TBC1D31: variants seen among roughly 807,000 people sequenced by gnomAD.
The protein encoded by TBC1D31 is WD repeat domain 67.
A neutral mutation model predicts 132.9 loss-of-function variants in TBC1D31; 99 were observed. The ratio of observed to expected loss-of-function variants is 0.74; its 90% confidence interval spans 0.63 to 0.88. TBC1D31 has a LOEUF of 0.88. TBC1D31 is among the 40% of genes least tolerant of loss of function. The pLI, the probability that TBC1D31 is intolerant of heterozygous loss-of-function variation, is 0.00. For missense variants in TBC1D31, 1,134 were observed against 1,256.6 expected, an observed-to-expected ratio of 0.90 and a Z score of 1.48; for synonymous variants, 385 against 419.4, an observed-to-expected ratio of 0.92 and a Z score of 1.00.
At chr8:123,150,750 C>T (rs2130988630) in intron 21 of TBC1D31, among the ~76,000 whole-genome samples, 1 of 152,250 alleles carries the variant, frequency 6.6e-6, no homozygotes, top group East Asian at 1.9e-4. Context: ...CAGCATTAGG[C>T]CATCCATAAA....
chr8:123,078,161 G>A (rs887800455), intron 2 of TBC1D31, among the ~76,000 whole-genome samples: 3 of 152,144 alleles, frequency 2.0e-5, no homozygotes, highest in African/African-American at 7.2e-5. Context: ...TTCATGCAGC[G>A]GGGCTAAGAG....
intron 11 of TBC1D31, among the ~76,000 whole-genome samples, chr8:123,125,513 C>G (rs1326411144): frequency 6.6e-6 from 1 of 152,118 alleles, no homozygotes; most frequent in Non-Finnish European, 1.5e-5. Flanking sequence ...AACAATCAGT[C>G]TTTTCCTCAG....
intron 4 of TBC1D31, among the ~76,000 whole-genome samples, chr8:123,088,050 G>A (rs2130007887): frequency 6.6e-6 from 1 of 152,286 alleles, no homozygotes; most frequent in East Asian, 1.9e-4. Context: ...TTAGCTGGGT[G>A]TGGTGGCACA....
intron 20 of TBC1D31, among the ~76,000 whole-genome samples, chr8:123,148,633 A>C (rs1822467033): frequency 6.6e-6 from 1 of 152,204 alleles, no homozygotes; most frequent in East Asian, 1.9e-4. Flanking sequence ...TCTGTGCAGC[A>C]AATGTAGCAG....
Position 123,105,207 on chromosome 8 carries a change from A to G in TBC1D31, c.1033-81A>G, listed in dbSNP as rs983840742. ...ACATATTAAGGCATGTTATTAAAGCAAATTTTGAAAATCATACATTAACAG... is the reference window on the plus strand; with the variant it reads ...ACATATTAAGGCATGTTATTAAAGCGAATTTTGAAAATCATACATTAACAG... On this transcript the variant is annotated intron_variant, in intron 7 of 21. Coordinates refer to ENST00000287380, the MANE Select transcript of TBC1D31 (RefSeq NM_145647.4). The G allele has an allele frequency of 1.4e-5, 16 of 1,134,566 alleles. No individual in the cohort carries two copies. The South Asian group carries it at 4.2e-4, about 30-fold the overall frequency. The allele number at this position is 1,134,566 out of a possible 1,614,324, so 70.3% of individuals were successfully genotyped here. A position where few individuals can be genotyped will look rare whatever the true frequency, so the allele number is the denominator to read the frequency against.
chr8:123,142,670 G>A (rs1290590999), intron 19 of TBC1D31, among the ~76,000 whole-genome samples: 1 of 152,094 alleles, frequency 6.6e-6, no homozygotes, highest in African/African-American at 2.4e-5. Context: ...AGAGTCAAAT[G>A]ACAAAAGCAT....
intron 16 of TBC1D31, among the ~76,000 whole-genome samples, chr8:123,131,820 T>C (rs1355018382): frequency 6.6e-6 from 1 of 152,180 alleles, no homozygotes; most frequent in African/African-American, 2.4e-5. Context: ...ACTGCATCAG[T>C]CTTAATATTT....
chr8:123,164,669 C>A, the TBC1D31 span, among the ~76,000 whole-genome samples: 8 of 151,662 alleles, frequency 5.3e-5, no homozygotes, highest in Non-Finnish European at 1.2e-4. Flanking sequence ...TTGCAGTGAG[C>A]TGAGATAGCG....
intron 21 of TBC1D31, 118 bp from the exon 22 acceptor site, chr8:123,151,688 G>A (rs192337515): frequency 9.3e-7 from 1 of 1,076,366 alleles, no homozygotes; most frequent in Admixed American, 3.8e-5. Context: ...TAAAATTTAG[G>A]TTTTAGAATT....
chr8:123,159,390 A>C, the TBC1D31 span, among the ~76,000 whole-genome samples: 2 of 152,202 alleles, frequency 1.3e-5, no homozygotes, highest in African/African-American at 4.8e-5. Context: ...GGGATGCTGT[A>C]TGTTGTGACA....
chr8:123,097,365 T>C lies in TBC1D31; in HGVS notation c.755T>C (p.Ile252Thr), dbSNP rs1406030522. 1 of 1,614,080 alleles carries C rather than the reference T, an allele frequency of 6.2e-7. No homozygotes were observed. Among genetic ancestry groups the C allele is most frequent in the East Asian group, 2.2e-5 (1 of 44,886 alleles). The stretch of plus-strand genomic sequence containing the variant: ...GAAGCTAGGCAGCTCTTTAGAATTA[T>C]CCAGATGCCCACTAAAGTTCGAGCC... ...CLEARQLFRI[I>T]QMPTKVRAIR... Residue 252 changes from isoleucine (I) to threonine (T), a missense_variant, in exon 6 of 22, where the codon ATC (isoleucine) becomes ACC (threonine). Coordinates refer to ENST00000287380, the MANE Select transcript of TBC1D31 (RefSeq NM_145647.4).
downstream of TBC1D31, among the ~76,000 whole-genome samples, chr8:123,156,625 G>C (rs1032345048): frequency 1.3e-5 from 2 of 152,126 alleles, no homozygotes; most frequent in Non-Finnish European, 1.5e-5. Flanking sequence ...GGTGAGGACC[G>C]CAGTAGCAGC....
At chr8:123,088,128 G>T (rs1241405216) in intron 4 of TBC1D31, among the ~76,000 whole-genome samples, 2 of 151,850 alleles carry the variant, frequency 1.3e-5, no homozygotes, top group African/African-American at 2.4e-5. Flanking sequence ...AACAGAGGTT[G>T]CAGTGAGCCG....
intron 19 of TBC1D31, 26 bp from the exon 20 acceptor site, chr8:123,144,691 C>T: frequency 6.3e-7 from 1 of 1,592,242 alleles, no homozygotes; most frequent in African/African-American, 1.4e-5. Flanking sequence ...TTTATGTAAT[C>T]TTTTTTTCCA....
At chr8:123,160,054 T>C in the TBC1D31 span, among the ~76,000 whole-genome samples, 2 of 152,300 alleles carry the variant, frequency 1.3e-5, no homozygotes, top group South Asian at 2.1e-4. Flanking sequence ...CTAAAGTCCA[T>C]CTTGACTCAG....
intron 10 of TBC1D31, among the ~76,000 whole-genome samples, chr8:123,118,032 A>G (rs2130670602): frequency 6.6e-6 from 1 of 152,376 alleles, no homozygotes; most frequent in African/African-American, 2.4e-5. Context: ...AATCATAAGT[A>G]TCAGACAAAC....
intron 11 of TBC1D31, among the ~76,000 whole-genome samples, chr8:123,122,232 C>A (rs921626248): frequency 2.2e-4 from 33 of 152,134 alleles, no homozygotes; most frequent in Non-Finnish European, 2.5e-4. Context: ...TAGACAGATA[C>A]CCACGTGTGA....
At chr8:123,127,173 A>T (rs1820139955) in intron 13 of TBC1D31, among the ~76,000 whole-genome samples, 1 of 152,166 alleles carries the variant, frequency 6.6e-6, no homozygotes, top group East Asian at 1.9e-4. Context: ...TTTATAGACA[A>T]TAAAGTAGGC....
the TBC1D31 span, among the ~76,000 whole-genome samples, chr8:123,161,283 GAGGTCACCT>G: frequency 1.2e-3 from 184 of 152,336 alleles, 4 homozygotes; most frequent in East Asian, 0.032. Context: ...AGCCGGGTCG[GAGGTCACCT>G]ACCCCCGCGA....
Sources: allele counts gnomAD v4.1 joint callset (sites outside exome capture counted in the v4.1 genomes callset), GRCh38; gene constraint gnomAD v4.1.1; transcripts MANE v1.5; gene names NCBI Gene and HGNC (gene_info 2026-07-23, HGNC 2026-07-21).